CDYL: variants seen among roughly 807,000 people sequenced by gnomAD.
The protein encoded by CDYL is chromodomain Y-like protein.
A neutral mutation model predicts 47.3 loss-of-function variants in CDYL; 8 were observed. The ratio of observed to expected loss-of-function variants is 0.17; its 90% confidence interval spans 0.10 to 0.31. CDYL has a LOEUF of 0.31. CDYL is among the 10% of genes least tolerant of loss of function. The pLI is 1.00. For missense variants in CDYL, 471 were observed against 701.4 expected, an observed-to-expected ratio of 0.67 and a Z score of 3.71; for synonymous variants, 266 against 265.0, an observed-to-expected ratio of 1.00 and a Z score of -0.04.
At chr6:4,778,246 T>G (rs551189145) in intron 1 of CDYL, among the ~76,000 whole-genome samples, 105 of 152,328 alleles carry the variant, frequency 6.9e-4, no homozygotes, top group Admixed American at 3.6e-3. Context: ...TAGATCATTC[T>G]TTGGTTGTTT....
chr6:4,769,305 A>G (rs1030763603), intron 3 of CDYL, among the ~76,000 whole-genome samples: 1 of 152,230 alleles, frequency 6.6e-6, no homozygotes, highest in Admixed American at 6.5e-5. Context: ...CTATAAATCT[A>G]AATCTGTTAA....
At chr6:4,894,366 T>A (rs927394853) in intron 2 of CDYL, among the ~76,000 whole-genome samples, 2 of 152,208 alleles carry the variant, frequency 1.3e-5, no homozygotes, top group African/African-American at 2.4e-5. Flanking sequence ...AAAGGACTGA[T>A]GAGCTATAGT....
intron 1 of CDYL, among the ~76,000 whole-genome samples, chr6:4,849,500 T>A (rs1561668360): frequency 6.6e-6 from 1 of 152,176 alleles, no homozygotes; most frequent in African/African-American, 2.4e-5. Flanking sequence ...TTTTAAAGAT[T>A]AACAATCTTA....
intron 5 of CDYL, among the ~76,000 whole-genome samples, chr6:4,948,115 C>T (rs1332522268): frequency 3.3e-5 from 5 of 152,152 alleles, no homozygotes; most frequent in Non-Finnish European, 7.3e-5. Context: ...AACCCTGTCC[C>T]GGCAGGAAAG....
chr6:4,708,580 TTA>T (rs1292606785), intron 1 of CDYL, among the ~76,000 whole-genome samples: 1 of 152,246 alleles, frequency 6.6e-6, no homozygotes, highest in East Asian at 1.9e-4. Context: ...TTGGTAGGTG[TTA>T]TATGTTTATG....
intron 1 of CDYL, among the ~76,000 whole-genome samples, chr6:4,848,554 C>A (rs957977274): frequency 2.0e-5 from 3 of 152,134 alleles, no homozygotes; most frequent in Non-Finnish European, 2.9e-5. Context: ...TGAAGGTCTT[C>A]GACACAGGAG....
chr6:4,818,743 A>G (rs1428867962), intron 1 of CDYL, among the ~76,000 whole-genome samples: 1 of 152,158 alleles, frequency 6.6e-6, no homozygotes, highest in African/African-American at 2.4e-5. Context: ...GAGATGCTAA[A>G]TGGGTAAGGT....
chr6:4,851,054 TA>T (rs1334650506), intron 1 of CDYL, among the ~76,000 whole-genome samples: 2 of 152,188 alleles, frequency 1.3e-5, no homozygotes, highest in Non-Finnish European at 2.9e-5. Context: ...CATACTGCCC[TA>T]AAGATTTGGG....
chr6:4,834,742 G>A (rs1454856147), intron 1 of CDYL, among the ~76,000 whole-genome samples: 17 of 152,032 alleles, frequency 1.1e-4, no homozygotes, highest in Admixed American at 1.0e-3. Flanking sequence ...TTTTCACATA[G>A]TCCCATATTT....
intron 1 of CDYL, among the ~76,000 whole-genome samples, chr6:4,783,417 C>CTTT (rs1554097730): frequency 7.3e-6 from 1 of 137,418 alleles, no homozygotes; most frequent in Non-Finnish European, 1.6e-5. Flanking sequence ...ATTCTTGAGA[C>CTTT]TTTTTTTTTT....
At chr6:4,732,770 T>G (rs1757630503) in intron 2 of CDYL, among the ~76,000 whole-genome samples, 1 of 150,700 alleles carries the variant, frequency 6.6e-6, no homozygotes, top group African/African-American at 2.4e-5. Flanking sequence ...GATAAGCAAA[T>G]GAAAGGGAGG....
chr6:4,737,500 A>G (rs1009505470), intron 3 of CDYL, among the ~76,000 whole-genome samples: 3 of 151,984 alleles, frequency 2.0e-5, no homozygotes, highest in Admixed American at 1.3e-4. Context: ...TAAAAATACA[A>G]AATCAGCATG....
intron 3 of CDYL, among the ~76,000 whole-genome samples, chr6:4,760,983 C>G (rs1758166295): frequency 6.6e-6 from 1 of 152,066 alleles, no homozygotes; most frequent in East Asian, 1.9e-4. Flanking sequence ...CAATTTGATG[C>G]AAAGTGTTAC....
At chr6:4,814,124 A>T (rs983695745) in intron 1 of CDYL, among the ~76,000 whole-genome samples, 1 of 152,158 alleles carries the variant, frequency 6.6e-6, no homozygotes, top group Admixed American at 6.5e-5. Flanking sequence ...GTGCATCTGG[A>T]TAGGTAGCAT....
At chr6:4,910,333 C>T (rs1757373943) in intron 2 of CDYL, among the ~76,000 whole-genome samples, 1 of 152,170 alleles carries the variant, frequency 6.6e-6, no homozygotes, top group African/African-American at 2.4e-5. Flanking sequence ...GTCTTGTTGC[C>T]AGATTAAGTT....
At chr6:4,735,003 T>G (rs1187236069) in intron 3 of CDYL, among the ~76,000 whole-genome samples, 2 of 152,066 alleles carry the variant, frequency 1.3e-5, no homozygotes, top group Admixed American at 1.3e-4. Flanking sequence ...AATGATGTTT[T>G]TGGCCGGGCA....
chr6:4,762,014 GTA>G, intron 3 of CDYL, among the ~76,000 whole-genome samples: 1 of 152,304 alleles, frequency 6.6e-6, no homozygotes, highest in Non-Finnish European at 1.5e-5. Context: ...CGGAGTTTCT[GTA>G]TGTTTTTCCC....
At chr6:4,917,295 G>A (rs918950412) in intron 2 of CDYL, among the ~76,000 whole-genome samples, 4 of 152,094 alleles carry the variant, frequency 2.6e-5, no homozygotes, top group Non-Finnish European at 5.9e-5. Context: ...CGTTTTAATG[G>A]CGTTTCCATC....
At chr6:4,938,014 T>G (rs1225494902) in intron 4 of CDYL, among the ~76,000 whole-genome samples, 1 of 152,246 alleles carries the variant, frequency 6.6e-6, no homozygotes, top group Non-Finnish European at 1.5e-5. Flanking sequence ...ACCCTGCAAG[T>G]GTTCGGAGAA....
Sources: gnomAD v4.1 joint callset for allele counts (sites outside exome capture counted in the v4.1 genomes callset) on GRCh38, gnomAD v4.1.1 for gene constraint, MANE v1.5 for transcripts, NCBI Gene and HGNC (gene_info 2026-07-23, HGNC 2026-07-21) for gene names.